Variants in BTBD10 observed in about 807,000 individuals in gnomAD.
The protein encoded by BTBD10 is BTB/POZ domain-containing protein 10.
Under a neutral mutation model 53.2 loss-of-function variants are expected in BTBD10, and 21 were observed. That is an observed-to-expected ratio of 0.39 (90% CI 0.28 to 0.57). The LOEUF is 0.57. BTBD10 is among the 20% of genes least tolerant of loss of function. The pLI, the probability that BTBD10 is intolerant of heterozygous loss-of-function variation, is 0.53. For missense variants in BTBD10, 360 were observed against 594.7 expected (o/e 0.61, Z 4.10); for synonymous variants, 149 against 192.7 (o/e 0.77, Z 1.88).
intron 2 of BTBD10, among the ~76,000 whole-genome samples, chr11:13,435,638 G>T (rs1305880057): frequency 6.6e-6 from 1 of 152,108 alleles, no homozygotes; most frequent in East Asian, 1.9e-4. Context: ...GACTACAGGT[G>T]CCTGCCACCA....
chr11:13,450,373 T>C (rs1002634362), intron 1 of BTBD10, among the ~76,000 whole-genome samples: 3 of 152,086 alleles, frequency 2.0e-5, no homozygotes, highest in Non-Finnish European at 4.4e-5. Context: ...GTTCACAAAG[T>C]TAATTTTGTA....
At chr11:13,446,987 T>C (rs1024848944) in intron 1 of BTBD10, among the ~76,000 whole-genome samples, 2 of 152,136 alleles carry the variant, frequency 1.3e-5, no homozygotes, top group South Asian at 2.1e-4. Flanking sequence ...GGTATAAAGA[T>C]AGTAGAAAGA....
intron 6 of BTBD10, among the ~76,000 whole-genome samples, chr11:13,410,056 T>C (rs1949907390): frequency 6.6e-6 from 1 of 152,170 alleles, no homozygotes; most frequent in Non-Finnish European, 1.5e-5. Context: ...CAGTGTACGC[T>C]GTCCAGGTGA....
chr11:13,458,996 A>C (rs1264988801), intron 1 of BTBD10, among the ~76,000 whole-genome samples: 1 of 151,980 alleles, frequency 6.6e-6, no homozygotes, highest in Non-Finnish European at 1.5e-5. Flanking sequence ...TTTGTACCTA[A>C]GATTCTCTGT....
intron 2 of BTBD10, among the ~76,000 whole-genome samples, chr11:13,423,638 C>T (rs1313528697): frequency 1.9e-4 from 29 of 152,242 alleles, no homozygotes; most frequent in Admixed American, 1.7e-3. Flanking sequence ...CAAAACCACA[C>T]GAGTTAAAAT....
chr11:13,427,003 C>T (rs898652112), intron 2 of BTBD10, among the ~76,000 whole-genome samples: 1 of 152,056 alleles, frequency 6.6e-6, no homozygotes, highest in African/African-American at 2.4e-5. Context: ...ATCACTTGAG[C>T]CCAGGAGTTC....
intron 1 of BTBD10, among the ~76,000 whole-genome samples, chr11:13,459,081 G>A: frequency 6.8e-6 from 1 of 146,890 alleles, no homozygotes; most frequent in Non-Finnish European, 1.5e-5. Flanking sequence ...TTTTGAGACG[G>A]AGTCTCGCTC....
intron 1 of BTBD10, among the ~76,000 whole-genome samples, chr11:13,449,540 CT>C: frequency 6.6e-6 from 1 of 152,196 alleles, no homozygotes; most frequent in African/African-American, 2.4e-5. Context: ...AACAATGTGC[CT>C]TTTAAACCTC....
At chr11:13,450,671 T>C (rs908682926) in intron 1 of BTBD10, among the ~76,000 whole-genome samples, 3 of 152,124 alleles carry the variant, frequency 2.0e-5, no homozygotes, top group African/African-American at 7.2e-5. Flanking sequence ...CTGAAAGAGC[T>C]TGAGGGATTG....
At chr11:13,442,103 A>G (rs1002504794) in intron 2 of BTBD10, among the ~76,000 whole-genome samples, 1 of 152,194 alleles carries the variant, frequency 6.6e-6, no homozygotes, top group African/African-American at 2.4e-5. Flanking sequence ...TTAAGCCACT[A>G]AACATGCACC....
At chr11:13,431,248 CT>C (rs1950443631) in intron 2 of BTBD10, among the ~76,000 whole-genome samples, 1 of 152,054 alleles carries the variant, frequency 6.6e-6, no homozygotes, top group Non-Finnish European at 1.5e-5. Context: ...GGTCCATGGT[CT>C]CAAGAAACCA....
At chr11:13,389,877 C>G (rs1398480631) in intron 8 of BTBD10, among the ~76,000 whole-genome samples, 1 of 152,088 alleles carries the variant, frequency 6.6e-6, no homozygotes, top group Non-Finnish European at 1.5e-5. Flanking sequence ...AAAAGCTGTA[C>G]AGCTGTCCAG....
At chr11:13,457,322 T>C (rs72857076) in intron 1 of BTBD10, among the ~76,000 whole-genome samples, 24,008 of 152,148 alleles carry the variant, frequency 0.16, 2,061 homozygotes, top group Admixed American at 0.24. Context: ...AAAATATTTG[T>C]AAATATATTC....
chr11:13,457,054 T>C (rs1950984948), intron 1 of BTBD10, among the ~76,000 whole-genome samples: 1 of 152,028 alleles, frequency 6.6e-6, no homozygotes, highest in African/African-American at 2.4e-5. Context: ...CCCAGCTACT[T>C]GGGAGGCTGA....
intron 8 of BTBD10, among the ~76,000 whole-genome samples, chr11:13,389,381 CATTATT>C (rs529830585): frequency 8.6e-4 from 130 of 151,656 alleles, no homozygotes; most frequent in African/African-American, 3.0e-3. Context: ...ATCAAAAAAA[CATTATT>C]AAAGTAGGAG....
chr11:13,412,062 C>T (rs2135794724), intron 6 of BTBD10, among the ~76,000 whole-genome samples: 1 of 152,182 alleles, frequency 6.6e-6, no homozygotes, highest in East Asian at 1.9e-4. Context: ...AACTCCCGAC[C>T]TCAGGTGATC....
intron 2 of BTBD10, among the ~76,000 whole-genome samples, chr11:13,435,326 T>G (rs1950527391): frequency 6.6e-6 from 1 of 152,196 alleles, no homozygotes; most frequent in African/African-American, 2.4e-5. Flanking sequence ...CTTGGTACTG[T>G]TAATGATTGA....
chr11:13,446,279 AG>A (rs1307577325), intron 1 of BTBD10, among the ~76,000 whole-genome samples: 4 of 152,178 alleles, frequency 2.6e-5, no homozygotes, highest in African/African-American at 9.6e-5. Context: ...TGTACATAAA[AG>A]TCAAAGGGAA....
chr11:13,399,352 T>C (rs999803188), intron 8 of BTBD10, among the ~76,000 whole-genome samples: 2 of 152,232 alleles, frequency 1.3e-5, no homozygotes, highest in Non-Finnish European at 2.9e-5. Flanking sequence ...CTACTGAGGC[T>C]TGTGCATTCG....
Sources: allele counts gnomAD v4.1 joint callset (sites outside exome capture counted in the v4.1 genomes callset), GRCh38; gene constraint gnomAD v4.1.1; transcripts MANE v1.5; gene names NCBI Gene and HGNC (gene_info 2026-07-23, HGNC 2026-07-21).